KLRG2: variants seen among roughly 807,000 people sequenced by gnomAD.
KLRG2 encodes the protein killer cell lectin-like receptor subfamily G member 2.
In KLRG2, 39 loss-of-function variants were observed where a neutral mutation model predicts 35.4. The observed-to-expected ratio is 1.10, with a 90% CI of 0.85 to 1.44. The LOEUF (loss-of-function observed/expected upper bound fraction) is 1.44, where lower values mean the gene tolerates loss of function less well. KLRG2 is among the 40% of genes most tolerant of loss of function. The probability of loss-of-function intolerance (pLI) is 0.00; values close to 1 mark genes in which losing one functional copy is unlikely to be tolerated. For missense variants in KLRG2, 632 were observed against 570.9 expected (o/e 1.11, Z -1.09); for synonymous variants, 283 against 265.8 (o/e 1.06, Z -0.63).
At chr7:139,478,678 T>C (rs1207091352) in intron 3 of KLRG2, among the ~76,000 whole-genome samples, 1 of 151,946 alleles carries the variant, frequency 6.6e-6, no homozygotes, top group Admixed American at 6.6e-5. Flanking sequence ...CATAAATAAA[T>C]AAAAAAGGAA....
the KLRG2 span, among the ~76,000 whole-genome samples, chr7:139,441,866 C>A: frequency 6.6e-6 from 1 of 152,324 alleles, no homozygotes; most frequent in South Asian, 2.1e-4. Flanking sequence ...CAGCACACAG[C>A]AGAAGACTTC....
chr7:139,437,426 A>C, the KLRG2 span, among the ~76,000 whole-genome samples: 2 of 49,712 alleles, frequency 4.0e-5, no homozygotes, highest in Non-Finnish European at 6.7e-5. Flanking sequence ...CTCCATCTCC[A>C]AAAAAAAAAA....
intron 3 of KLRG2, among the ~76,000 whole-genome samples, chr7:139,466,117 A>C (rs915577859): frequency 2.0e-5 from 3 of 151,008 alleles, no homozygotes. Context: ...GCTATCTACT[A>C]CTCCTCAGGG....
At chr7:139,429,521 CCTTCCGCAGTGTTTGTGT>C in the KLRG2 span, among the ~76,000 whole-genome samples, 1 of 151,666 alleles carries the variant, frequency 6.6e-6, no homozygotes, top group South Asian at 2.1e-4. Context: ...GACCCTGCGG[CCTTCCGCAGTGTTTGTGT>C]CCCTGGGTAC....
rs890099282 is a variant in KLRG2, at chr7:139,453,727, G to A, written c.1110-20C>T. ...GGGAGTCTGGGAAAGGATGGGAGGG[G>A]AAAGAGGAGAGGTGTTTAGGGTGCC... On this transcript the variant is annotated intron_variant, in intron 4 of 4. Coordinates refer to ENST00000340940, the MANE Select transcript of KLRG2 (RefSeq NM_198508.4). The A allele has an allele frequency of 3.1e-6, 5 of 1,613,738 alleles. No individual in the cohort carries two copies. Among genetic ancestry groups the A allele is most frequent in the Non-Finnish European group, 4.2e-6 (5 of 1,179,862 alleles).
the KLRG2 span, among the ~76,000 whole-genome samples, chr7:139,447,057 C>T: frequency 3.9e-5 from 6 of 152,130 alleles, no homozygotes; most frequent in African/African-American, 9.7e-5. Context: ...CCTTGCCTTC[C>T]CTGCCAAACA....
chr7:139,475,359 G>A (rs1400635470), intron 3 of KLRG2, among the ~76,000 whole-genome samples: 2 of 151,970 alleles, frequency 1.3e-5, no homozygotes, highest in African/African-American at 2.4e-5. Context: ...GTGAAACCCC[G>A]TCTCTACTAA....
chr7:139,436,284 A>G, the KLRG2 span, among the ~76,000 whole-genome samples: 2 of 152,212 alleles, frequency 1.3e-5, no homozygotes, highest in Non-Finnish European at 2.9e-5. Context: ...TAAAAACGCA[A>G]GCATGGAAGA....
At chr7:139,435,801 T>C in the KLRG2 span, among the ~76,000 whole-genome samples, 8 of 152,350 alleles carry the variant, frequency 5.3e-5, no homozygotes, top group East Asian at 9.6e-4. Flanking sequence ...GTAGAATCCA[T>C]TGTAAGGGTG....
chr7:139,482,992 C>G lies in KLRG2; in HGVS notation c.651G>C (p.Thr217=). The change falls in exon 1 of 5, where the codon ACG becomes ACC. Residue 217 remains threonine (T), a synonymous_variant. Coordinates refer to ENST00000340940, the MANE Select transcript of KLRG2 (RefSeq NM_198508.4). ...EGSAGSPGSP[T]CCRCKELGLE... is the part of the protein sequence containing the mutation. The stretch of plus-strand genomic sequence containing the variant: ...GCCCCAGCTCCTTGCAGCGGCAGCA[C>G]GTGGGGGAGCCCGGGGAGCCGGCGC... 7.2e-7 allele frequency: 1 copy of G among 1,393,788 alleles called. No homozygotes were observed. The highest frequency in any genetic ancestry group is 9.2e-7 in the Non-Finnish European group (1 of 1,082,410). 86.3% of individuals were successfully genotyped at this position (1,393,788 alleles called of 1,614,324 possible).
chr7:139,481,421 C>G (rs905521580), intron 1 of KLRG2, among the ~76,000 whole-genome samples: 3 of 152,198 alleles, frequency 2.0e-5, no homozygotes, highest in African/African-American at 7.2e-5. Flanking sequence ...GTGATCCAAG[C>G]CCCTGAACCC....
At chr7:139,432,326 C>G in the KLRG2 span, among the ~76,000 whole-genome samples, 35 of 151,878 alleles carry the variant, frequency 2.3e-4, no homozygotes, top group Non-Finnish European at 4.3e-4. Context: ...GCACTCCAGC[C>G]CAGTCAACAG....
chr7:139,472,124 C>CT (rs1158773557), intron 3 of KLRG2, among the ~76,000 whole-genome samples: 8 of 152,154 alleles, frequency 5.3e-5, no homozygotes, highest in Non-Finnish European at 1.2e-4. Flanking sequence ...CCTCCCCTCC[C>CT]TATTGTGTGG....
intron 3 of KLRG2, among the ~76,000 whole-genome samples, chr7:139,477,592 T>G (rs1796873093): frequency 1.3e-5 from 2 of 151,344 alleles, no homozygotes; most frequent in African/African-American, 2.4e-5. Flanking sequence ...GCGGGGGAAA[T>G]GGGGAATCAG....
At chr7:139,478,364 C>CAA (rs35355853) in intron 3 of KLRG2, among the ~76,000 whole-genome samples, 244 of 95,398 alleles carry the variant, frequency 2.6e-3, no homozygotes, top group African/African-American at 6.0e-3. Flanking sequence ...GGACCTGTTT[C>CAA]AAAAAAAAAA....
chr7:139,442,569 G>A, the KLRG2 span, among the ~76,000 whole-genome samples: 4 of 152,250 alleles, frequency 2.6e-5, no homozygotes, highest in Non-Finnish European at 4.4e-5. Context: ...AAACTTAGCC[G>A]GGTGGGTGGC....
At chr7:139,433,928 GCGCCCAGCATCA>G in the KLRG2 span, among the ~76,000 whole-genome samples, 5 of 152,040 alleles carry the variant, frequency 3.3e-5, no homozygotes, top group South Asian at 2.1e-4. Context: ...GTGAGCCACC[GCGCCCAGCATCA>G]CGCCCAGCAT....
chr7:139,433,311 GTTT>G, the KLRG2 span, among the ~76,000 whole-genome samples: 36 of 148,538 alleles, frequency 2.4e-4, no homozygotes, highest in African/African-American at 8.2e-4. Context: ...GTGGTGTGTG[GTTT>G]TTTTTTTGTT....
At chr7:139,445,797 G>GTATATATATATATATATGTATATA in the KLRG2 span, among the ~76,000 whole-genome samples, 7 of 99,044 alleles carry the variant, frequency 7.1e-5, no homozygotes, top group African/African-American at 4.6e-4. Flanking sequence ...ATATATGTGT[G>GTATATATATATATATATGTATATA]TATATATATA....
Sources: allele counts gnomAD v4.1 joint callset (sites outside exome capture counted in the v4.1 genomes callset), GRCh38; gene constraint gnomAD v4.1.1; transcripts MANE v1.5; gene names NCBI Gene and HGNC (gene_info 2026-07-23, HGNC 2026-07-21).